RIMS1: variants seen among roughly 807,000 people sequenced by gnomAD.
RIMS1 encodes the protein regulating synaptic membrane exocytosis protein 1.
RIMS1 carries 83 observed loss-of-function variants against 214.1 expected under a neutral mutation model. That is an observed-to-expected ratio of 0.39 (90% confidence interval 0.32 to 0.47). The LOEUF is 0.47. Among genes scored for constraint, RIMS1 ranks in the 20% least tolerant of loss-of-function variants. The pLI, the probability that RIMS1 is intolerant of heterozygous loss-of-function variation, is 0.99. For missense variants in RIMS1, 2,050 were observed against 2,161.8 expected (o/e 0.95, Z 1.03); for synonymous variants, 793 against 786.8 (o/e 1.01, Z -0.13).
chr6:72,300,762 G>C (rs1458495916), intron 26 of RIMS1, among the ~76,000 whole-genome samples: 1 of 151,750 alleles, frequency 6.6e-6, no homozygotes, highest in Non-Finnish European at 1.5e-5. Flanking sequence ...CCAATGACTA[G>C]TATTTTCAGT....
At chr6:72,013,358 G>T (rs889244718) in intron 2 of RIMS1, among the ~76,000 whole-genome samples, 2 of 152,086 alleles carry the variant, frequency 1.3e-5, no homozygotes, top group African/African-American at 4.8e-5. Flanking sequence ...TGATTATTCT[G>T]ACCTTTTATT....
intron 26 of RIMS1, among the ~76,000 whole-genome samples, chr6:72,305,553 C>T (rs1041446534): frequency 1.1e-4 from 17 of 152,068 alleles, no homozygotes; most frequent in Non-Finnish European, 1.5e-5. Flanking sequence ...AGGCAAAAGA[C>T]AGAGAACAGA....
chr6:72,175,279 C>A, intron 4 of RIMS1: 1 of 206,336 alleles, frequency 4.8e-6, no homozygotes, highest in Non-Finnish European at 1.0e-5. Flanking sequence ...AAAATTGAAT[C>A]ACAATCTCTT....
At chr6:72,373,252 G>A (rs2098274576) in intron 29 of RIMS1, among the ~76,000 whole-genome samples, 1 of 152,114 alleles carries the variant, frequency 6.6e-6, no homozygotes. Context: ...CTTATTTTTA[G>A]TACTGCTTTA....
intron 16 of RIMS1, among the ~76,000 whole-genome samples, chr6:72,255,644 C>T (rs1299723541): frequency 6.6e-6 from 1 of 152,070 alleles, no homozygotes; most frequent in African/African-American, 2.4e-5. Flanking sequence ...AGAATGCCCT[C>T]ATCTGAGGTG....
chr6:72,057,493 TTTTTC>T (rs1166284497), intron 2 of RIMS1, among the ~76,000 whole-genome samples: 1 of 135,384 alleles, frequency 7.4e-6, no homozygotes, highest in Admixed American at 7.6e-5. Flanking sequence ...GTACACCTTC[TTTTTC>T]TTTTTTTTTT....
intron 1 of RIMS1, among the ~76,000 whole-genome samples, chr6:71,905,983 A>G (rs1187706358): frequency 6.6e-6 from 1 of 152,150 alleles, no homozygotes; most frequent in Non-Finnish European, 1.5e-5. Context: ...CTATAGGGAC[A>G]AAGTCCCTGT....
intron 23 of RIMS1, among the ~76,000 whole-genome samples, chr6:72,280,269 G>T (rs2089401379): frequency 6.6e-6 from 1 of 151,890 alleles, no homozygotes. Flanking sequence ...ACTTAAAGTG[G>T]TATAAGGTAG....
intron 26 of RIMS1, among the ~76,000 whole-genome samples, chr6:72,298,777 A>G (rs1018353501): frequency 1.3e-5 from 2 of 151,868 alleles, no homozygotes; most frequent in African/African-American, 2.4e-5. Flanking sequence ...CCCTTTCCCT[A>G]TTGACCCAAT....
At chr6:72,173,708 T>G (rs2047338342) in intron 4 of RIMS1, among the ~76,000 whole-genome samples, 1 of 152,168 alleles carries the variant, frequency 6.6e-6, no homozygotes, top group Admixed American at 6.5e-5. Flanking sequence ...ATTTTAGCCT[T>G]TCTCTTTAAT....
At chr6:72,078,694 A>T (rs1217958695) in intron 2 of RIMS1, among the ~76,000 whole-genome samples, 1 of 152,100 alleles carries the variant, frequency 6.6e-6, no homozygotes, top group Non-Finnish European at 1.5e-5. Context: ...ACAAGCAAAC[A>T]AAAACAATGC....
intron 6 of RIMS1, among the ~76,000 whole-genome samples, chr6:72,212,244 T>C (rs1425206236): frequency 1.3e-5 from 2 of 151,648 alleles, no homozygotes; most frequent in African/African-American, 4.8e-5. Flanking sequence ...ATGCATCTCA[T>C]TTATCAGAAG....
At chr6:72,141,910 G>C (rs530978723) in intron 4 of RIMS1, among the ~76,000 whole-genome samples, 1 of 151,966 alleles carries the variant, frequency 6.6e-6, no homozygotes, top group African/African-American at 2.4e-5. Context: ...TATTGAATTA[G>C]GTGGCCTATT....
At position 72,307,257 on chromosome 6, in the gene RIMS1, G is replaced by C. The variant is rs1481540364; in HGVS notation, c.3851-1G>C. On this transcript the variant is annotated splice_acceptor_variant, in intron 26 of 33. Transcript: ENST00000521978. LOFTEE classifies it high-confidence loss of function. ...TAGGCTTCCATTATGTGTTTTTGCA[G>C]CAAGCTTAGTAGTGGAGGAGCGAAC... 1 of 1,587,942 alleles carries C rather than the reference G, an allele frequency of 6.3e-7. No homozygotes were observed. Among genetic ancestry groups the C allele is most frequent in the Admixed American group, 1.8e-5 (1 of 56,630 alleles).
At chr6:72,100,146 G>T (rs1461453117) in intron 4 of RIMS1, among the ~76,000 whole-genome samples, 160 bp downstream of exon 4, 1 of 151,918 alleles carries the variant, frequency 6.6e-6, no homozygotes, top group East Asian at 1.9e-4. Flanking sequence ...AAACATTTAG[G>T]AGCATTACAG....
intron 16 of RIMS1, among the ~76,000 whole-genome samples, chr6:72,254,766 C>G (rs2075064453): frequency 6.6e-6 from 1 of 152,284 alleles, no homozygotes; most frequent in Admixed American, 6.5e-5. Flanking sequence ...ATGGAATCCA[C>G]TAGAGATGGG....
intron 3 of RIMS1, among the ~76,000 whole-genome samples, 152 bp from the exon 4 acceptor site, chr6:72,099,823 A>G (rs1211066022): frequency 6.6e-6 from 1 of 152,154 alleles, no homozygotes; most frequent in Non-Finnish European, 1.5e-5. Context: ...TAGGAAAAGT[A>G]AACATTTACT....
intron 1 of RIMS1, among the ~76,000 whole-genome samples, chr6:71,943,100 G>A (rs2151034110): frequency 6.6e-6 from 1 of 152,094 alleles, no homozygotes; most frequent in South Asian, 2.1e-4. Flanking sequence ...AAATAGTACT[G>A]GCATGTCTTT....
intron 28 of RIMS1, among the ~76,000 whole-genome samples, chr6:72,319,117 A>C (rs1593287780): frequency 6.6e-6 from 1 of 152,172 alleles, no homozygotes; most frequent in Non-Finnish European, 1.5e-5. Flanking sequence ...AGTAAGAAGG[A>C]TCATGGCCCT....
Sources: gnomAD v4.1 joint callset for allele counts (sites outside exome capture counted in the v4.1 genomes callset) on GRCh38, gnomAD v4.1.1 for gene constraint, MANE v1.5 for transcripts, NCBI Gene and HGNC (gene_info 2026-07-23, HGNC 2026-07-21) for gene names.